Variants in SULF2 observed in about 807,000 individuals in gnomAD.
SULF2 encodes sulfatase 2.
A neutral mutation model predicts 107.7 loss-of-function variants in SULF2; 52 were observed. The ratio of observed to expected loss-of-function variants is 0.48; its 90% confidence interval spans 0.39 to 0.61. The LOEUF (loss-of-function observed/expected upper bound fraction) is 0.61. Ranked by LOEUF, SULF2 falls within the 20% of genes least tolerant of loss-of-function variation. The pLI is 0.00. For missense variants in SULF2, 993 were observed against 1,177.3 expected, an observed-to-expected ratio of 0.84 and a Z score of 2.29; for synonymous variants, 460 against 464.3, an observed-to-expected ratio of 0.99 and a Z score of 0.12.
chr20:47,712,840 C>T (rs1348141918), intron 3 of SULF2, among the ~76,000 whole-genome samples: 1 of 152,118 alleles, frequency 6.6e-6, no homozygotes. Flanking sequence ...TTGAGGCCAG[C>T]CTGGGCAACA....
intron 18 of SULF2, 41 bp downstream of exon 18, chr20:47,661,730 TTA>T: frequency 6.8e-7 from 1 of 1,460,212 alleles, no homozygotes. Flanking sequence ...CTTCCTTTGG[TTA>T]CCCTGCTGTC....
At chr20:47,785,087 C>G (rs1194943143) in intron 1 of SULF2, among the ~76,000 whole-genome samples, 2 of 152,052 alleles carry the variant, frequency 1.3e-5, no homozygotes, top group African/African-American at 4.8e-5. Context: ...GCGGGAAGTC[C>G]TCGCCCGCCC....
At chr20:47,781,216 G>A (rs756318664) in intron 1 of SULF2, among the ~76,000 whole-genome samples, 3 of 152,200 alleles carry the variant, frequency 2.0e-5, no homozygotes, top group Non-Finnish European at 2.9e-5. Flanking sequence ...CCCAGGCAGC[G>A]TGTTTCCCCA....
At chr20:47,684,390 T>C (rs776599928) in intron 6 of SULF2, 41 bp downstream of exon 6, 1 of 1,562,202 alleles carries the variant, frequency 6.4e-7, no homozygotes, top group Non-Finnish European at 8.7e-7. Flanking sequence ...GGCTGGGGGT[T>C]CGGAGCCACG....
chr20:47,745,925 C>G (rs2146845149), intron 2 of SULF2, among the ~76,000 whole-genome samples: 1 of 152,342 alleles, frequency 6.6e-6, no homozygotes, highest in African/African-American at 2.4e-5. Flanking sequence ...TGATTTAGGT[C>G]TGCCCAAAAG....
chr20:47,707,249 A>G (rs1600532657), intron 3 of SULF2, among the ~76,000 whole-genome samples: 1 of 152,100 alleles, frequency 6.6e-6, no homozygotes, highest in East Asian at 1.9e-4. Context: ...TCAGCCTCCC[A>G]AAGTGCTGGG....
intron 1 of SULF2, among the ~76,000 whole-genome samples, chr20:47,778,489 A>G (rs1185867148): frequency 6.6e-6 from 1 of 152,266 alleles, no homozygotes; most frequent in East Asian, 1.9e-4. Context: ...GAATCACATT[A>G]AGAGAACGTG....
chr20:47,729,315 C>T (rs548371317), intron 3 of SULF2, among the ~76,000 whole-genome samples: 1 of 152,200 alleles, frequency 6.6e-6, no homozygotes, highest in East Asian at 1.9e-4. Flanking sequence ...GGGGCCTCTA[C>T]CCTGAGTAGG....
chr20:47,701,356 A>G (rs1343283143), intron 4 of SULF2, among the ~76,000 whole-genome samples: 1 of 152,206 alleles, frequency 6.6e-6, no homozygotes, highest in East Asian at 1.9e-4. Flanking sequence ...GGATGCACGC[A>G]TATGTGGAAG....
At position 47,678,322 on chromosome 20, in the gene SULF2, T is replaced by A. The variant is rs1358092347; in HGVS notation, c.1193+354A>T. The A allele has an allele frequency of 5.6e-6, 1 of 179,710 alleles. No individual in the cohort carries two copies. The highest frequency in any genetic ancestry group is 2.3e-5 in the African/African-American group (1 of 42,580). 11.1% of individuals were successfully genotyped at this position (179,710 alleles called of 1,614,324 possible). On this transcript the variant is annotated intron_variant, in intron 8 of 20. Transcript: ENST00000688720. The surrounding 1 kb of genome is among the most constrained non-coding windows in gnomAD (Gnocchi z 4.5). ...CCACCTCGCTGGGTTACTGTGAGGA[T>A]CAAATTCCTAGATTTCCCTGCACAG...
chr20:47,706,288 G>A (rs893386301), intron 3 of SULF2, among the ~76,000 whole-genome samples: 2 of 152,032 alleles, frequency 1.3e-5, no homozygotes, highest in African/African-American at 2.4e-5. Context: ...ATGCGGGGGG[G>A]CTCCACTTCT....
Position 47,757,473 on chromosome 20 carries a change from G to A in SULF2, c.-100-10C>T, listed in dbSNP as rs2090321830. 19 of 1,281,494 alleles carry A rather than the reference G, an allele frequency of 1.5e-5. No individual in the cohort carries two copies. The highest frequency in any genetic ancestry group is 2.0e-4 in the Middle Eastern group (1 of 5,092). 79.4% of individuals were successfully genotyped at this position (1,281,494 alleles called of 1,614,324 possible). ...CTCTTCACTCGCAGATCTAGAGGAG[G>A]AGGAAGAATCAGGTCAATATTTATG... is the stretch of plus-strand genomic sequence containing the variant. On this transcript the variant is annotated splice_polypyrimidine_tract_variant and intron_variant, in intron 1 of 20. Coordinates refer to ENST00000688720, the MANE Select transcript of SULF2 (RefSeq NM_001387048.1).
At chr20:47,750,066 C>T (rs2090128376) in intron 2 of SULF2, among the ~76,000 whole-genome samples, 1 of 152,246 alleles carries the variant, frequency 6.6e-6, no homozygotes, top group Non-Finnish European at 1.5e-5. Context: ...ACTGCAACCT[C>T]CGCCTCCTGG....
At chr20:47,768,248 T>C (rs1457892218) in intron 1 of SULF2, among the ~76,000 whole-genome samples, 1 of 152,182 alleles carries the variant, frequency 6.6e-6, no homozygotes, top group African/African-American at 2.4e-5. Context: ...TGCACCATAC[T>C]TGGGACTTAA....
chr20:47,736,480 T>A (rs1251770554), intron 3 of SULF2, among the ~76,000 whole-genome samples: 1 of 152,222 alleles, frequency 6.6e-6, no homozygotes. Context: ...TTTGGGGGAC[T>A]CAAATTCCTT....
chr20:47,736,604 C>T (rs897716439), intron 3 of SULF2, 99 bp downstream of exon 3: 4 of 1,503,784 alleles, frequency 2.7e-6, no homozygotes, highest in Non-Finnish European at 3.6e-6. Context: ...AGGGGCTATC[C>T]AGAATCAACT....
intron 3 of SULF2, among the ~76,000 whole-genome samples, chr20:47,726,926 G>A (rs749885517): frequency 3.4e-4 from 52 of 152,246 alleles, no homozygotes; most frequent in Non-Finnish European, 6.3e-4. Context: ...ACCATGGTTG[G>A]GAAGGGAAGG....
At chr20:47,770,050 G>A (rs1225319331) in intron 1 of SULF2, among the ~76,000 whole-genome samples, 3 of 127,194 alleles carry the variant, frequency 2.4e-5, no homozygotes, top group South Asian at 5.1e-4. Flanking sequence ...GTGATCTGGT[G>A]TAGTTTTTTT....
chr20:47,762,313 C>T (rs2090434227), intron 1 of SULF2, among the ~76,000 whole-genome samples: 1 of 152,168 alleles, frequency 6.6e-6, no homozygotes, highest in African/African-American at 2.4e-5. Context: ...CGATGGGGTG[C>T]CCTACAAATA....
Sources: allele counts gnomAD v4.1 joint callset (sites outside exome capture counted in the v4.1 genomes callset), GRCh38; gene constraint gnomAD v4.1.1; non-coding constraint Gnocchi (gnomAD v3.1); transcripts MANE v1.5; gene names NCBI Gene and HGNC (gene_info 2026-07-23, HGNC 2026-07-21).